LCP2: variants seen among roughly 807,000 people sequenced by gnomAD.
LCP2 encodes the protein lymphocyte cytosolic protein 2, also known as 76 kDa tyrosine phosphoprotein.
A neutral mutation model predicts 74.5 loss-of-function variants in LCP2; 29 were observed. That is an observed-to-expected ratio of 0.39 (90% confidence interval 0.29 to 0.53). The LOEUF is 0.53. Among genes scored for constraint, LCP2 ranks in the 20% least tolerant of loss-of-function variants. The pLI, the probability that LCP2 is intolerant of heterozygous loss-of-function variation, is 0.72. For synonymous variants in LCP2, 228 were observed against 229.5 expected (o/e 0.99, Z 0.06); for missense variants, 604 against 634.6 (o/e 0.95, Z 0.52).
chr5:170,258,352 C>T (rs1761597337), intron 15 of LCP2, 186 bp from the exon 16 acceptor site: 1 of 564,782 alleles, frequency 1.8e-6, no homozygotes, highest in East Asian at 2.8e-5. Flanking sequence ...ATGACTTAAC[C>T]ACCATAGAAT....
At chr5:170,281,423 G>A (rs1346298893) in intron 3 of LCP2, among the ~76,000 whole-genome samples, 7 of 152,122 alleles carry the variant, frequency 4.6e-5, no homozygotes, top group Non-Finnish European at 1.5e-5. Flanking sequence ...GGGACTACAG[G>A]TGCCTGCCAC....
chr5:170,249,362 G>GTATATATA (rs72371153), intron 20 of LCP2, among the ~76,000 whole-genome samples: 1,399 of 108,102 alleles, frequency 0.013, 13 homozygotes, highest in East Asian at 0.055. Context: ...GCATGCGTGT[G>GTATATATA]TATATATATA....
intron 10 of LCP2, among the ~76,000 whole-genome samples, chr5:170,266,266 C>T (rs1334734425): frequency 6.6e-6 from 1 of 152,180 alleles, no homozygotes; most frequent in African/African-American, 2.4e-5. Context: ...ATACCTAAAA[C>T]AAAAACATCC....
chr5:170,283,876 C>T (rs1762142439), intron 3 of LCP2, among the ~76,000 whole-genome samples: 1 of 152,176 alleles, frequency 6.6e-6, no homozygotes, highest in Admixed American at 6.5e-5. Flanking sequence ...CCCTTCCTCC[C>T]TTGTCTGCCC....
intron 1 of LCP2, among the ~76,000 whole-genome samples, chr5:170,293,654 C>T (rs1275811848): frequency 1.3e-5 from 2 of 152,232 alleles, no homozygotes; most frequent in Admixed American, 6.5e-5. Context: ...GCCCTATGCT[C>T]CTCAGGAAGG....
intron 3 of LCP2, among the ~76,000 whole-genome samples, chr5:170,280,331 C>T (rs1163182873): frequency 2.6e-5 from 4 of 152,066 alleles, no homozygotes; most frequent in African/African-American, 9.7e-5. Context: ...TTCTCCTCCC[C>T]ACCCCTCCTC....
At chr5:170,275,593 C>A (rs1195409786) in intron 4 of LCP2, 2 of 639,752 alleles carry the variant, frequency 3.1e-6, no homozygotes, top group East Asian at 5.4e-5. Context: ...AGAGGAAGTT[C>A]CCCTGATGTC....
chr5:170,263,738 C>T (rs997696709), intron 10 of LCP2, among the ~76,000 whole-genome samples: 14 of 152,164 alleles, frequency 9.2e-5, no homozygotes, highest in African/African-American at 3.1e-4. Context: ...ATATTACTAA[C>T]AAAATTCAAC....
chr5:170,254,510 C>G (rs1761514802), intron 17 of LCP2, among the ~76,000 whole-genome samples: 1 of 152,210 alleles, frequency 6.6e-6, no homozygotes, highest in Non-Finnish European at 1.5e-5. Flanking sequence ...GATGCTCCTT[C>G]CCTGTTTCTA....
intron 10 of LCP2, among the ~76,000 whole-genome samples, chr5:170,263,911 G>A (rs887771047): frequency 6.6e-6 from 1 of 152,206 alleles, no homozygotes. Context: ...GATTGTGAAA[G>A]TTGGTCATAC....
At chr5:170,277,738 C>T (rs112433159) in intron 3 of LCP2, among the ~76,000 whole-genome samples, 3 of 91,848 alleles carry the variant, frequency 3.3e-5, no homozygotes, top group Admixed American at 1.4e-4. Context: ...AGCAAAACTT[C>T]GTCTCAAAAA....
chr5:170,281,720 G>A (rs1002775071), intron 3 of LCP2, among the ~76,000 whole-genome samples: 4 of 152,184 alleles, frequency 2.6e-5, no homozygotes, highest in Non-Finnish European at 5.9e-5. Flanking sequence ...AGCCTTACAG[G>A]AAGACAGACA....
chr5:170,296,969 G>C (rs1445097805), intron 1 of LCP2, among the ~76,000 whole-genome samples: 2 of 152,184 alleles, frequency 1.3e-5, no homozygotes, highest in African/African-American at 4.8e-5. Flanking sequence ...TGCTGTGTCT[G>C]GCACTGCTCA....
chr5:170,264,882 T>C (rs541675105), intron 10 of LCP2, among the ~76,000 whole-genome samples: 2 of 151,778 alleles, frequency 1.3e-5, no homozygotes, highest in Admixed American at 6.6e-5. Flanking sequence ...AAGATGCTTA[T>C]AAAAGTTTGG....
At chr5:170,248,952 G>T in intron 20 of LCP2, 133 bp from the exon 21 acceptor site, 1 of 825,176 alleles carries the variant, frequency 1.2e-6, no homozygotes, top group Non-Finnish European at 1.9e-6. Flanking sequence ...AAATGTAAAT[G>T]TGGCAATTAG....
At chr5:170,272,597 C>CTTTT (rs61463939) in intron 6 of LCP2, among the ~76,000 whole-genome samples, 4,686 of 40,304 alleles carry the variant, frequency 0.12, 1,635 homozygotes, top group Middle Eastern at 0.27. Flanking sequence ...CAAATATTTT[C>CTTTT]TTTTTTTTTT....
At chr5:170,281,310 T>C (rs534894218) in intron 3 of LCP2, among the ~76,000 whole-genome samples, 47 of 152,052 alleles carry the variant, frequency 3.1e-4, no homozygotes, top group Middle Eastern at 3.4e-3. Context: ...GACGGAGTCT[T>C]GCTCTGTCCC....
intron 20 of LCP2, among the ~76,000 whole-genome samples, chr5:170,250,238 A>C (rs1012847422): frequency 2.0e-5 from 3 of 152,228 alleles, no homozygotes; most frequent in Non-Finnish European, 2.9e-5. Flanking sequence ...ATGAGAATCT[A>C]AACCTTGGCC....
rs1271891970 is a variant in LCP2 at position 170,248,612 on chromosome 5, A to C, written c.*85T>G. On this transcript the variant is annotated 3_prime_UTR_variant, in exon 21 of 21. Transcript: ENST00000046794. ...ATGGGGAGGGGTTCAGTTCAGTCCT[A>C]AGTGTTTGTCCATTGACCAAGGCTG... is the stretch of plus-strand genomic sequence containing the variant. 1.4e-5 allele frequency: 21 copies of C among 1,460,884 alleles called. No homozygotes were observed. Among genetic ancestry groups the C allele is most frequent in the Non-Finnish European group, 3.8e-6 (4 of 1,053,708 alleles). The allele number at this position is 1,460,884 out of a possible 1,614,324, so 90.5% of individuals were successfully genotyped here.
Sources: gnomAD v4.1 joint callset for allele counts (sites outside exome capture counted in the v4.1 genomes callset) on GRCh38, gnomAD v4.1.1 for gene constraint, MANE v1.5 for transcripts, NCBI Gene and HGNC (gene_info 2026-07-23, HGNC 2026-07-21) for gene names.